The following CSMD1 variants were observed in gnomAD, a reference collection of about 807,000 sequenced individuals.
CSMD1 encodes CUB and sushi domain-containing protein 1.
Under a neutral mutation model 417.5 loss-of-function variants are expected in CSMD1, and 213 were observed. The observed-to-expected ratio is 0.51, with a 90% CI of 0.46 to 0.57. The LOEUF (loss-of-function observed/expected upper bound fraction) is 0.57, where lower values mean the gene tolerates loss of function less well. CSMD1 is among the 20% of genes least tolerant of loss of function. The pLI, the probability that CSMD1 is intolerant of heterozygous loss-of-function variation, is 0.00. For synonymous variants in CSMD1, 2,862 were observed against 1,736.8 expected (o/e 1.65, Z -16.11); for missense variants, 6,923 against 4,529.7 (o/e 1.53, Z -15.17).
chr8:3,991,012 C>G (rs1814702361), intron 5 of CSMD1, among the ~76,000 whole-genome samples: 1 of 152,190 alleles, frequency 6.6e-6, no homozygotes, highest in African/African-American at 2.4e-5. Context: ...ACAAAAACCT[C>G]TAAAACACAG....
At chr8:3,897,772 G>C (rs550113002) in intron 5 of CSMD1, among the ~76,000 whole-genome samples, 4 of 152,086 alleles carry the variant, frequency 2.6e-5, no homozygotes, top group African/African-American at 7.2e-5. Context: ...GATATCATTT[G>C]CTTTCCTTTG....
chr8:4,639,651 C>G (rs1803075173), intron 1 of CSMD1, among the ~76,000 whole-genome samples: 1 of 152,064 alleles, frequency 6.6e-6, no homozygotes, highest in South Asian at 2.1e-4. Context: ...AGTGTAAGTA[C>G]TTGAATACAA....
chr8:3,407,933 G>C lies in CSMD1; in HGVS notation c.2037C>G (p.Ser679=). The change falls in exon 14 of 70, where the codon TCC becomes TCG. Residue 679 remains serine, a synonymous_variant. Transcript: ENST00000635120. The part of the protein sequence containing the change: ...IVRLEFQSDH[S]TTGRGFNITY... ...TGATGTTGAACCCTCTGCCAGTAGT[G>C]GAATGGTCAGACTGAAATTCCAAGC... 2.5e-6 allele frequency: 4 copies of C among 1,613,036 alleles called. No homozygotes were observed. The highest frequency in any genetic ancestry group is 3.4e-6 in the Non-Finnish European group (4 of 1,179,366).
intron 1 of CSMD1, among the ~76,000 whole-genome samples, chr8:4,757,704 A>T (rs1301215696): frequency 6.6e-6 from 1 of 152,118 alleles, no homozygotes; most frequent in African/African-American, 2.4e-5. Context: ...TATGTCTGTA[A>T]TCCTATCACT....
chr8:3,156,948 G>C (rs1297667356), intron 39 of CSMD1, among the ~76,000 whole-genome samples: 3 of 145,668 alleles, frequency 2.1e-5, no homozygotes, highest in Admixed American at 6.9e-5. Flanking sequence ...AGGGAGTGAG[G>C]GAGAAATTTA....
intron 3 of CSMD1, among the ~76,000 whole-genome samples, chr8:4,199,903 C>G (rs1176957095): frequency 6.6e-6 from 1 of 151,974 alleles, no homozygotes; most frequent in African/African-American, 2.4e-5. Flanking sequence ...GAAGACAAGT[C>G]ATACATTTTG....
Position 3,856,280 on chromosome 8 carries a change from G to A in CSMD1, c.819-102238C>T, listed in dbSNP as rs534773353. Among the ~76,000 whole-genome samples, 8 of 152,186 alleles carry A rather than the reference G, an allele frequency of 5.3e-5. No homozygotes were observed. In the East Asian group the frequency reaches 1.4e-3, roughly 26 times the overall value. On this transcript the variant is annotated intron_variant, in intron 5 of 69. Coordinates refer to ENST00000635120, the MANE Select transcript of CSMD1 (RefSeq NM_033225.6). ...TACTTGGCCCATGTAAGACACACCT[G>A]CTTCCGCTTCATCTTCCGCCATGAT...
intron 1 of CSMD1, among the ~76,000 whole-genome samples, chr8:4,773,184 C>T (rs188777364): frequency 9.1e-4 from 138 of 152,188 alleles, no homozygotes; most frequent in African/African-American, 3.3e-3. Flanking sequence ...TGAGCATTTC[C>T]TTCTGGCCTT....
intron 10 of CSMD1, among the ~76,000 whole-genome samples, chr8:3,495,163 A>T (rs1365371298): frequency 3.3e-5 from 5 of 152,228 alleles, no homozygotes; most frequent in Non-Finnish European, 7.3e-5. Context: ...AAACCAGTAT[A>T]AATACTGCAT....
chr8:3,008,437 T>G (rs554545283), intron 52 of CSMD1, among the ~76,000 whole-genome samples: 2 of 152,326 alleles, frequency 1.3e-5, no homozygotes, highest in African/African-American at 4.8e-5. Context: ...AGCAGGGGCC[T>G]CCGCAAGGCC....
chr8:3,887,382 A>G (rs1056665720), intron 5 of CSMD1, among the ~76,000 whole-genome samples: 2 of 152,204 alleles, frequency 1.3e-5, no homozygotes, highest in African/African-American at 4.8e-5. Context: ...TTCCAGATGT[A>G]TCCAAGAACA....
chr8:4,264,723 C>T (rs554643167), intron 3 of CSMD1, among the ~76,000 whole-genome samples: 93 of 152,200 alleles, frequency 6.1e-4, no homozygotes, highest in African/African-American at 2.1e-3. Context: ...TGATTAACTG[C>T]CCAGGGGTAG....
intron 50 of CSMD1, among the ~76,000 whole-genome samples, chr8:3,038,634 C>T (rs12548007): frequency 0.22 from 33,498 of 151,986 alleles, 3,951 homozygotes; most frequent in East Asian, 0.43. Flanking sequence ...CTGCATATAA[C>T]GCTGAACTGG....
chr8:3,844,670 T>C (rs1475021817), intron 5 of CSMD1, among the ~76,000 whole-genome samples: 1 of 152,142 alleles, frequency 6.6e-6, no homozygotes, highest in East Asian at 1.9e-4. Context: ...ACTATTTGAA[T>C]TCATCATTGT....
At chr8:4,691,544 A>G (rs1563151454) in intron 1 of CSMD1, among the ~76,000 whole-genome samples, 1 of 152,196 alleles carries the variant, frequency 6.6e-6, no homozygotes, top group Non-Finnish European at 1.5e-5. Flanking sequence ...GGTTCTATAG[A>G]GCAAATACCA....
At chr8:4,770,188 T>C (rs1391618087) in intron 1 of CSMD1, among the ~76,000 whole-genome samples, 1 of 149,598 alleles carries the variant, frequency 6.7e-6, no homozygotes, top group African/African-American at 2.4e-5. Context: ...AATTTTTATA[T>C]TCCTATATAC....
At chr8:4,031,220 G>A (rs753965652) in intron 4 of CSMD1, among the ~76,000 whole-genome samples, 2 of 152,218 alleles carry the variant, frequency 1.3e-5, no homozygotes, top group East Asian at 1.9e-4. Context: ...CCAATCTATT[G>A]TATTAGTTCA....
chr8:3,955,143 G>T (rs1006268339), intron 5 of CSMD1, among the ~76,000 whole-genome samples: 14 of 152,244 alleles, frequency 9.2e-5, no homozygotes, highest in Middle Eastern at 3.4e-3. Context: ...CCGGTAACGG[G>T]AAGACAGAAG....
chr8:4,596,226 A>T (rs1346992322), intron 2 of CSMD1, among the ~76,000 whole-genome samples: 1 of 152,100 alleles, frequency 6.6e-6, no homozygotes, highest in African/African-American at 2.4e-5. Flanking sequence ...TTGATAGGTT[A>T]AAAAAAATCA....
Sources: gnomAD v4.1 joint callset for allele counts (sites outside exome capture counted in the v4.1 genomes callset) on GRCh38, gnomAD v4.1.1 for gene constraint, MANE v1.5 for transcripts, NCBI Gene and HGNC (gene_info 2026-07-23, HGNC 2026-07-21) for gene names.